ADCK1: variants seen among roughly 807,000 people sequenced by gnomAD.
ADCK1 encodes the protein aarF domain containing kinase 1, also known as aarF domain-containing protein kinase 1.
ADCK1 carries 41 observed loss-of-function variants against 52.3 expected under a neutral mutation model. That is an observed-to-expected ratio of 0.78 (90% CI 0.61 to 1.02). The LOEUF is 1.02. Among genes scored for constraint, ADCK1 ranks in the 50% least tolerant of loss-of-function variants. ADCK1 has a pLI of 0.00. For missense variants in ADCK1, 658 were observed against 679.5 expected (o/e 0.97, Z 0.35); for synonymous variants, 250 against 274.6 (o/e 0.91, Z 0.89).
intron 6 of ADCK1, among the ~76,000 whole-genome samples, chr14:77,902,974 C>G (rs1171257113): frequency 6.6e-6 from 1 of 152,200 alleles, no homozygotes; most frequent in Non-Finnish European, 1.5e-5. Flanking sequence ...CTGCCATTTA[C>G]CGGCAGGGGT....
chr14:77,914,746 A>C (rs1403316181), intron 7 of ADCK1, among the ~76,000 whole-genome samples: 2 of 152,170 alleles, frequency 1.3e-5, no homozygotes, highest in African/African-American at 4.8e-5. Context: ...GAATTTTGCA[A>C]ACTGTGAAGT....
chr14:77,846,244 G>T (rs548534221), intron 3 of ADCK1, among the ~76,000 whole-genome samples: 2 of 152,236 alleles, frequency 1.3e-5, no homozygotes, highest in East Asian at 3.9e-4. Context: ...TAGCCAGCTG[G>T]TGCCACCCCC....
intron 3 of ADCK1, among the ~76,000 whole-genome samples, chr14:77,826,186 C>T (rs753809777): frequency 5.0e-4 from 76 of 152,186 alleles, no homozygotes; most frequent in Admixed American, 8.5e-4. Flanking sequence ...GGAGTTGTGC[C>T]TGGGAAGGGG....
chr14:77,870,530 G>A (rs962010187), intron 4 of ADCK1, among the ~76,000 whole-genome samples: 8 of 152,158 alleles, frequency 5.3e-5, no homozygotes, highest in African/African-American at 1.9e-4. Flanking sequence ...GGAGCCAAAG[G>A]AGGGGCCCTG....
At chr14:77,826,902 C>T (rs1281275911) in intron 3 of ADCK1, among the ~76,000 whole-genome samples, 1 of 152,154 alleles carries the variant, frequency 6.6e-6, no homozygotes, top group African/African-American at 2.4e-5. Context: ...GCACCAGAGC[C>T]AGTTCTGGCC....
Position 77,825,752 on chromosome 14 carries a change from C to T in ADCK1, c.219+3234C>T, listed in dbSNP as rs184883768. 2.3e-4 allele frequency among the ~76,000 whole-genome samples: 35 copies of T among 151,786 alleles called. 1 individual carries two copies. The highest frequency in any genetic ancestry group is 1.6e-3 in the Admixed American group (25 of 15,228). ...CGCCTCCCGGGTTCAAGTGATTCTC[C>T]TGCCTCAGCCTCCCGAGTAGCTGGG... On this transcript the variant is annotated intron_variant, in intron 3 of 10. Transcript: ENST00000238561.
intron 3 of ADCK1, among the ~76,000 whole-genome samples, chr14:77,852,872 CT>C (rs1414094943): frequency 2.6e-4 from 12 of 46,558 alleles, no homozygotes; most frequent in African/African-American, 9.2e-4. Flanking sequence ...GTTCACTAAT[CT>C]TTTATGTGTG....
At chr14:77,844,809 A>G (rs1008613900) in intron 3 of ADCK1, among the ~76,000 whole-genome samples, 1 of 152,220 alleles carries the variant, frequency 6.6e-6, no homozygotes, top group Non-Finnish European at 1.5e-5. Flanking sequence ...AAGACACCTT[A>G]GAAACATCTA....
Position 77,819,111 on chromosome 14 carries a change from A to G in ADCK1, c.133A>G (p.Thr45Ala). ...GAVRVGRAVA[T>A]TAVISYDYLT... ...TGTCAGGGTGGGCAGAGCAGTTGCTACGGTAGGTTTTTCCCTTTTGGGGGT... is the reference window on the plus strand; with the variant it reads ...TGTCAGGGTGGGCAGAGCAGTTGCTGCGGTAGGTTTTTCCCTTTTGGGGGT... The change falls in exon 2 of 11, where the codon ACG becomes GCG. Residue 45 changes from threonine to alanine, a missense_variant and splice_region_variant. By Grantham distance (58) the Thr-to-Ala change is moderately conservative. Transcript: ENST00000238561. 1 of 1,563,732 alleles carries G rather than the reference A, an allele frequency of 6.4e-7. No individual in the cohort carries two copies. Among genetic ancestry groups the G allele is most frequent in the East Asian group, 2.3e-5 (1 of 43,570 alleles).
At chr14:77,866,268 G>A (rs761200102) in intron 4 of ADCK1, among the ~76,000 whole-genome samples, 1 of 152,140 alleles carries the variant, frequency 6.6e-6, no homozygotes, top group Admixed American at 6.5e-5. Context: ...GTAAAAATAT[G>A]GTATTATTAA....
chr14:77,840,085 C>T (rs1325133467), intron 3 of ADCK1, among the ~76,000 whole-genome samples: 1 of 152,026 alleles, frequency 6.6e-6, no homozygotes, highest in African/African-American at 2.4e-5. Context: ...AACACAAATT[C>T]AAAAATTTCA....
At chr14:77,815,189 T>A (rs2081419429) in intron 1 of ADCK1, among the ~76,000 whole-genome samples, 1 of 138,584 alleles carries the variant, frequency 7.2e-6, no homozygotes, top group Admixed American at 8.1e-5. Flanking sequence ...GTTTTAAAAT[T>A]TTGTTTTGTC....
intron 3 of ADCK1, among the ~76,000 whole-genome samples, chr14:77,823,559 CCTTT>C (rs2081626227): frequency 1.4e-5 from 2 of 141,014 alleles, no homozygotes; most frequent in African/African-American, 2.7e-5. Flanking sequence ...ATCTTTCCCC[CCTTT>C]ATTTATTTAT....
At chr14:77,838,677 C>T (rs962525317) in intron 3 of ADCK1, among the ~76,000 whole-genome samples, 3 of 152,202 alleles carry the variant, frequency 2.0e-5, no homozygotes, top group South Asian at 4.1e-4. Context: ...GGATTACACT[C>T]GTGAGCCACT....
At chr14:77,871,069 C>T (rs1462268114) in intron 4 of ADCK1, among the ~76,000 whole-genome samples, 2 of 152,178 alleles carry the variant, frequency 1.3e-5, no homozygotes, top group Non-Finnish European at 2.9e-5. Flanking sequence ...CCAACATGGC[C>T]AAATGAGTGA....
intron 4 of ADCK1, among the ~76,000 whole-genome samples, chr14:77,864,411 G>C (rs1022047100): frequency 5.3e-5 from 8 of 152,336 alleles, no homozygotes; most frequent in Admixed American, 4.6e-4. Context: ...GCAAGGACCA[G>C]CATGAACAAG....
chr14:77,900,820 A>T, intron 6 of ADCK1: 1 of 329,300 alleles, frequency 3.0e-6, no homozygotes, highest in Non-Finnish European at 6.0e-6. Context: ...TATCAATTGC[A>T]TTGGAACAAA....
chr14:77,866,789 G>A (rs1340830963), intron 4 of ADCK1, among the ~76,000 whole-genome samples: 29 of 152,128 alleles, frequency 1.9e-4, no homozygotes, highest in African/African-American at 4.8e-5. Flanking sequence ...CAGTGTCCTG[G>A]TGGGGCCGGG....
At chr14:77,853,012 A>G (rs1311618437) in intron 3 of ADCK1, among the ~76,000 whole-genome samples, 3 of 142,520 alleles carry the variant, frequency 2.1e-5, no homozygotes, top group African/African-American at 5.3e-5. Context: ...TTGGCCTCCC[A>G]AAGTGCTGGG....
Sources: gnomAD v4.1 joint callset for allele counts (sites outside exome capture counted in the v4.1 genomes callset) on GRCh38, gnomAD v4.1.1 for gene constraint, MANE v1.5 for transcripts, NCBI Gene and HGNC (gene_info 2026-07-23, HGNC 2026-07-21) for gene names.